RASGEF1B: variants seen among roughly 807,000 people sequenced by gnomAD.
RASGEF1B encodes ras-GEF domain-containing family member 1B.
A neutral mutation model predicts 65.7 loss-of-function variants in RASGEF1B; 30 were observed. The ratio of observed to expected loss-of-function variants is 0.46; its 90% confidence interval spans 0.34 to 0.62. The LOEUF is 0.62. Among genes scored for constraint, RASGEF1B ranks in the 20% least tolerant of loss-of-function variants. The pLI, the probability that RASGEF1B is intolerant of heterozygous loss-of-function variation, is 0.01. For synonymous variants in RASGEF1B, 175 were observed against 194.8 expected (o/e 0.90, Z 0.85); for missense variants, 495 against 580.1 (o/e 0.85, Z 1.51).
At chr4:81,456,434 A>G in intron 4 of RASGEF1B, 1 of 659,408 alleles carries the variant, frequency 1.5e-6, no homozygotes, top group Middle Eastern at 2.5e-4. Context: ...ATAGCCCCAA[A>G]TTAATCACAT....
chr4:81,431,502 T>C (rs1320681703), intron 13 of RASGEF1B, among the ~76,000 whole-genome samples: 2 of 152,082 alleles, frequency 1.3e-5, no homozygotes, highest in Non-Finnish European at 2.9e-5. Flanking sequence ...AAGCTTTCCT[T>C]TGAAACAAAC....
chr4:81,464,584 C>G (rs991036197), intron 1 of RASGEF1B, among the ~76,000 whole-genome samples: 5 of 152,148 alleles, frequency 3.3e-5, no homozygotes, highest in African/African-American at 1.2e-4. Context: ...TTAGGGAGAT[C>G]ACAAACCTCT....
intron 13 of RASGEF1B, 67 bp downstream of exon 13, chr4:81,432,232 T>A: frequency 1.0e-6 from 1 of 999,790 alleles, no homozygotes; most frequent in Non-Finnish European, 1.6e-6. Flanking sequence ...ATAGAACGCA[T>A]GTGGCTTTCT....
chr4:81,432,617 AG>A (rs1363581081), intron 12 of RASGEF1B, among the ~76,000 whole-genome samples: 1 of 152,226 alleles, frequency 6.6e-6, no homozygotes, highest in African/African-American at 2.4e-5. Flanking sequence ...AGAATGTATA[AG>A]GCAAAAAAAA....
chr4:81,431,904 C>T (rs562904018), intron 13 of RASGEF1B, among the ~76,000 whole-genome samples: 24 of 152,314 alleles, frequency 1.6e-4, no homozygotes, highest in African/African-American at 5.5e-4. Flanking sequence ...GCAAACCCAA[C>T]TTTATAAAGC....
rs1439776969 is a variant in RASGEF1B at position 81,459,532 on chromosome 4, G to A, written c.-6-18C>T. ...ATACTTTCCTAAAAGGAATAAAAAA[G>A]AAGAAAAAATAATGTCAGCAATATG... On this transcript the variant is annotated intron_variant, in intron 1 of 13. Transcript: ENST00000264400. The A allele has an allele frequency of 1.3e-6, 2 of 1,530,734 alleles. No individual in the cohort carries two copies. Among genetic ancestry groups the A allele is most frequent in the Non-Finnish European group, 8.8e-7 (1 of 1,140,018 alleles). The allele number at this position is 1,530,734 out of a possible 1,614,324, so 94.8% of individuals were successfully genotyped here.
chr4:81,456,607 C>G, intron 4 of RASGEF1B, 44 bp downstream of exon 4: 2 of 1,607,352 alleles, frequency 1.2e-6, no homozygotes, highest in Non-Finnish European at 1.7e-6. Flanking sequence ...CACCCAGGCT[C>G]TGCCTGGGAA....
Position 81,456,695 on chromosome 4 carries a change from T to C in RASGEF1B, c.394A>G (p.Arg132Gly), listed in dbSNP as rs1722456111. The C allele has an allele frequency of 6.2e-7, 1 of 1,614,092 alleles. No individual in the cohort carries two copies. The highest frequency in any genetic ancestry group is 8.5e-7 in the Non-Finnish European group (1 of 1,180,024). ...PYDFRDERMM[R>G]NLKDLAHRIA... ...CGGTGAGCCAGATCTTTTAAGTTTCTCATCATTCTTTCATCCCGAAAATCA... is the reference window on the plus strand; with the variant it reads ...CGGTGAGCCAGATCTTTTAAGTTTCCCATCATTCTTTCATCCCGAAAATCA... The change falls in exon 4 of 14, where the codon AGA becomes GGA. Residue 132 changes from arginine (R) to glycine (G), a missense_variant. Physicochemically the swap from Arg to Gly is moderately radical, Grantham distance 125 (BLOSUM62 -2). Transcript: ENST00000264400.
At chr4:81,468,333 C>T (rs1722917682) in intron 1 of RASGEF1B, among the ~76,000 whole-genome samples, 1 of 152,148 alleles carries the variant, frequency 6.6e-6, no homozygotes, top group Admixed American at 6.5e-5. Context: ...AAACTATATT[C>T]ATCCCTTCCC....
intron 2 of RASGEF1B, among the ~76,000 whole-genome samples, chr4:81,458,329 T>C (rs951605836): frequency 6.6e-6 from 1 of 152,176 alleles, no homozygotes; most frequent in Admixed American, 6.5e-5. Flanking sequence ...TTTTCTTTTT[T>C]CCTTAGGCGC....
Position 81,426,978 on chromosome 4 carries a change from G to C in RASGEF1B, c.*790C>G, listed in dbSNP as rs1455109754. 1 of 25,450 alleles carries C rather than the reference G, an allele frequency of 3.9e-5. No individual in the cohort carries two copies. The highest frequency in any genetic ancestry group is 1.7e-4 in the African/African-American group (1 of 5,974). The allele number at this position is 25,450 out of a possible 1,614,324, so 1.6% of individuals were successfully genotyped here. ...GTGGTCAGTTGTAAACAGCTCAGAA[G>C]AGCAAAAAAAAAAAAAAAAAAAAAA... On this transcript the variant is annotated 3_prime_UTR_variant, in exon 14 of 14. Transcript: ENST00000264400.
At chr4:81,436,586 C>G (rs1039673284) in intron 10 of RASGEF1B, among the ~76,000 whole-genome samples, 4 of 152,072 alleles carry the variant, frequency 2.6e-5, no homozygotes, top group African/African-American at 9.7e-5. Context: ...TCTCAAATGT[C>G]AACATATTTT....
chr4:81,461,223 C>T (rs935951626), intron 1 of RASGEF1B, among the ~76,000 whole-genome samples: 1 of 152,168 alleles, frequency 6.6e-6, no homozygotes, highest in Non-Finnish European at 1.5e-5. Context: ...GAATAAGAGC[C>T]AGTCTGTCCT....
chr4:81,432,156 C>T (rs1721452684), intron 13 of RASGEF1B, 143 bp downstream of exon 13: 1 of 491,546 alleles, frequency 2.0e-6, no homozygotes, highest in Admixed American at 3.7e-5. Context: ...GAATTCTGAG[C>T]CACAAAGATT....
intron 10 of RASGEF1B, among the ~76,000 whole-genome samples, chr4:81,436,623 A>C (rs1721641595): frequency 6.6e-6 from 1 of 152,206 alleles, no homozygotes. Context: ...CCTACAATGT[A>C]AAAAATCCAC....
intron 4 of RASGEF1B, chr4:81,451,517 G>A (rs987238521): frequency 1.1e-4 from 17 of 152,162 alleles, no homozygotes; most frequent in Non-Finnish European, 1.6e-4. Context: ...TAGGAGCAGC[G>A]CCGGAAGGAT....
In RASGEF1B at chr4:81,442,391, T is replaced by C; in HGVS notation, c.929-15A>G. The stretch of plus-strand genomic sequence containing the variant: ...ATTCATACCAGCTTCCCATTTGAAA[T>C]GGAGGGGGAGAAAAAAGGAAAATTG... On this transcript the variant is annotated splice_polypyrimidine_tract_variant and intron_variant, in intron 8 of 13. Coordinates refer to ENST00000264400, the MANE Select transcript of RASGEF1B (RefSeq NM_152545.3). 1 of 1,558,902 alleles carries C rather than the reference T, an allele frequency of 6.4e-7. No individual in the cohort carries two copies. Among genetic ancestry groups the C allele is most frequent in the Non-Finnish European group, 8.8e-7 (1 of 1,131,220 alleles).
rs370130416 is a variant in RASGEF1B at position 81,442,811 on chromosome 4, AT to A, written c.929-436del. Among the ~76,000 whole-genome samples, 298 of 152,362 alleles carry A rather than the reference AT, an allele frequency of 2.0e-3. 1 individual carries two copies. The highest frequency in any genetic ancestry group is 0.01 in the Middle Eastern group (3 of 294). The stretch of plus-strand genomic sequence containing the variant: ...ACAGTCACATGTTAGAAATGTTAGT[AT>A]TATTATTTTCATTTTTTTCAATCAT... On this transcript the variant is annotated intron_variant, in intron 8 of 13. Coordinates refer to ENST00000264400, the MANE Select transcript of RASGEF1B (RefSeq NM_152545.3).
intron 2 of RASGEF1B, 116 bp from the exon 3 acceptor site, chr4:81,457,737 C>T: frequency 9.1e-7 from 1 of 1,098,214 alleles, no homozygotes; most frequent in Admixed American, 2.2e-5. Context: ...GCTGCAGTTT[C>T]AAAAGTAATG....
Sources: gnomAD v4.1 joint callset for allele counts (sites outside exome capture counted in the v4.1 genomes callset) on GRCh38, gnomAD v4.1.1 for gene constraint, MANE v1.5 for transcripts, NCBI Gene and HGNC (gene_info 2026-07-23, HGNC 2026-07-21) for gene names.